GPR158: variants seen among roughly 807,000 people sequenced by gnomAD.
The protein encoded by GPR158 is G protein-coupled receptor 158.
GPR158 carries 30 observed loss-of-function variants against 78.2 expected under a neutral mutation model. The ratio of observed to expected loss-of-function variants is 0.38; its 90% CI spans 0.29 to 0.52. The LOEUF is 0.52. Ranked by LOEUF, GPR158 falls within the 20% of genes least tolerant of loss-of-function variation. The probability of loss-of-function intolerance (pLI) is 0.83; values close to 1 mark genes in which losing one functional copy is unlikely to be tolerated. For synonymous variants in GPR158, 581 were observed against 591.1 expected (o/e 0.98, Z 0.25); for missense variants, 1,463 against 1,523.5 (o/e 0.96, Z 0.66).
intron 7 of GPR158, among the ~76,000 whole-genome samples, chr10:25,578,360 G>A (rs1366215341): frequency 6.6e-6 from 1 of 152,202 alleles, no homozygotes; most frequent in African/African-American, 2.4e-5. Flanking sequence ...TCTTTATCTT[G>A]TGATATTTTC....
chr10:25,405,498 CTTTTTTTTTT>C (rs59695469), intron 3 of GPR158, among the ~76,000 whole-genome samples: 3,486 of 45,620 alleles, frequency 0.076, 101 homozygotes, highest in African/African-American at 0.2. Flanking sequence ...AAACAATTTC[CTTTTTTTTTT>C]TTTTTTTTTT....
chr10:25,532,284 TAAGCTAAAG>T (rs970959261), intron 5 of GPR158, among the ~76,000 whole-genome samples: 16 of 135,070 alleles, frequency 1.2e-4, no homozygotes, highest in African/African-American at 4.8e-4. Flanking sequence ...GGCACCATAC[TAAGCTAAAG>T]AGGTGGGCCA....
At chr10:25,391,824 G>T (rs1834302457) in intron 2 of GPR158, among the ~76,000 whole-genome samples, 1 of 152,104 alleles carries the variant, frequency 6.6e-6, no homozygotes, top group African/African-American at 2.4e-5. Context: ...GAATGATATG[G>T]TTTGGCTATG....
At chr10:25,241,648 C>T (rs1853631381) in intron 2 of GPR158, among the ~76,000 whole-genome samples, 1 of 152,130 alleles carries the variant, frequency 6.6e-6, no homozygotes, top group Non-Finnish European at 1.5e-5. Flanking sequence ...TCTCGAACTC[C>T]TGACCTCAGG....
In GPR158 at chr10:25,601,790, T is replaced by A. The variant is rs1177640039; in HGVS notation, c.*2516T>A. The stretch of plus-strand genomic sequence containing the variant: ...TTGCTAGGTTGTCCTTCTCAATGCA[T>A]GTGCAGGCTGCATCCTGTCCTTGTT... On this transcript the variant is annotated 3_prime_UTR_variant, in exon 11 of 11. Transcript: ENST00000376351. The A allele has an allele frequency of 6.5e-6, 1 of 152,672 alleles. No individual in the cohort carries two copies. The highest frequency in any genetic ancestry group is 1.9e-4 in the East Asian group (1 of 5,204). The allele number at this position is 152,672 out of a possible 1,614,324, so 9.5% of individuals were successfully genotyped here. A position where few individuals can be genotyped will look rare whatever the true frequency, so the allele number is the denominator to read the frequency against.
At chr10:25,366,745 A>G (rs1855729923) in intron 2 of GPR158, among the ~76,000 whole-genome samples, 1 of 151,706 alleles carries the variant, frequency 6.6e-6, no homozygotes, top group Admixed American at 6.6e-5. Context: ...GCCCCTGGCC[A>G]CTGGTAATCA....
chr10:25,378,247 G>A (rs1834109749), intron 2 of GPR158, among the ~76,000 whole-genome samples: 1 of 152,052 alleles, frequency 6.6e-6, no homozygotes, highest in African/African-American at 2.4e-5. Flanking sequence ...CCTTTAGAAA[G>A]GTAACAACTA....
chr10:25,455,915 A>G (rs1835285225), intron 4 of GPR158, among the ~76,000 whole-genome samples: 1 of 152,152 alleles, frequency 6.6e-6, no homozygotes, highest in Admixed American at 6.5e-5. Context: ...GATACATTCA[A>G]TGTGGACTAA....
At chr10:25,353,196 T>C (rs1413395) in intron 2 of GPR158, among the ~76,000 whole-genome samples, 101,307 of 151,860 alleles carry the variant, frequency 0.67, 36,560 homozygotes, top group Non-Finnish European at 0.84. Flanking sequence ...AAAATCCAAT[T>C]TTTTATTTAA....
chr10:25,588,952 A>G, intron 7 of GPR158, 55 bp from the exon 8 acceptor site: 1 of 1,286,622 alleles, frequency 7.8e-7, no homozygotes, highest in Non-Finnish European at 1.1e-6. Context: ...ATGCTAAAGA[A>G]GAATTTTATT....
chr10:25,566,555 G>A (rs34945936), intron 6 of GPR158, among the ~76,000 whole-genome samples: 13,874 of 151,980 alleles, frequency 0.091, 1,283 homozygotes, highest in East Asian at 0.48. Context: ...GAGAAAAAAG[G>A]AAGGTGAGAA....
In GPR158 at chr10:25,591,277, A is replaced by G. The variant is rs191603308; in HGVS notation, c.1892+2132A>G. ...TATTTAACCAGCATTTTGCAAACTTAATTGACCATGGAATCCCCCCAAACC... is the reference window on the plus strand; with the variant it reads ...TATTTAACCAGCATTTTGCAAACTTGATTGACCATGGAATCCCCCCAAACC... On this transcript the variant is annotated intron_variant, in intron 8 of 10. Coordinates refer to ENST00000376351, the MANE Select transcript of GPR158 (RefSeq NM_020752.3). Among the ~76,000 whole-genome samples the G allele has an allele frequency of 2.0e-3, 311 of 152,278 alleles. 9 individuals carry two copies. The highest frequency in any genetic ancestry group is 0.019 in the Admixed American group (286 of 15,288).
intron 5 of GPR158, among the ~76,000 whole-genome samples, chr10:25,542,823 CAAAAA>C (rs5783943): frequency 1.1e-5 from 1 of 94,370 alleles, no homozygotes; most frequent in Middle Eastern, 6.8e-3. Context: ...AACTCCATCT[CAAAAA>C]AAAAAAAAAA....
chr10:25,321,815 A>G (rs1213297882), intron 2 of GPR158, among the ~76,000 whole-genome samples: 4 of 152,218 alleles, frequency 2.6e-5, no homozygotes, highest in Admixed American at 6.5e-5. Flanking sequence ...AAACTTTACA[A>G]TAAGGAGGAT....
At chr10:25,418,198 A>G (rs1487274614) in intron 4 of GPR158, among the ~76,000 whole-genome samples, 1 of 152,220 alleles carries the variant, frequency 6.6e-6, no homozygotes, top group Non-Finnish European at 1.5e-5. Context: ...TTTCAGTTGC[A>G]TGGTTCTTCC....
intron 6 of GPR158, among the ~76,000 whole-genome samples, chr10:25,569,379 A>G (rs1414045): frequency 0.3 from 45,205 of 152,194 alleles, 12,337 homozygotes; most frequent in African/African-American, 0.7. Flanking sequence ...GGAGACAGTT[A>G]ACAAATCCAC....
chr10:25,389,738 A>C (rs1298449313), intron 2 of GPR158, among the ~76,000 whole-genome samples: 1 of 152,128 alleles, frequency 6.6e-6, no homozygotes, highest in Non-Finnish European at 1.5e-5. Flanking sequence ...TGGGGATCCC[A>C]GACCTGGAAG....
At chr10:25,265,233 G>A (rs1854027771) in intron 2 of GPR158, among the ~76,000 whole-genome samples, 1 of 152,164 alleles carries the variant, frequency 6.6e-6, no homozygotes, top group Admixed American at 6.5e-5. Flanking sequence ...CTGAACAACA[G>A]ACAACGGGCT....
At chr10:25,486,724 A>G (rs1835740475) in intron 5 of GPR158, among the ~76,000 whole-genome samples, 1 of 152,062 alleles carries the variant, frequency 6.6e-6, no homozygotes, top group South Asian at 2.1e-4. Context: ...CTCTCTGCAA[A>G]CCATTTGCCG....
Sources: gnomAD v4.1 joint callset for allele counts (sites outside exome capture counted in the v4.1 genomes callset) on GRCh38, gnomAD v4.1.1 for gene constraint, MANE v1.5 for transcripts, NCBI Gene and HGNC (gene_info 2026-07-23, HGNC 2026-07-21) for gene names.